KPNA3: variants seen among roughly 807,000 people sequenced by gnomAD.
The protein encoded by KPNA3 is importin subunit alpha-4.
Under a neutral mutation model 73.8 loss-of-function variants are expected in KPNA3, and 13 were observed. The observed-to-expected ratio is 0.18, with a 90% confidence interval of 0.11 to 0.28. KPNA3 has a LOEUF of 0.28. KPNA3 is among the 10% of genes least tolerant of loss of function. The pLI, the probability that KPNA3 is intolerant of heterozygous loss-of-function variation, is 1.00. For synonymous variants in KPNA3, 186 were observed against 206.9 expected (o/e 0.90, Z 0.87); for missense variants, 360 against 618.1 (o/e 0.58, Z 4.43).
chr13:49,708,643 G>C (rs981528933), intron 12 of KPNA3, among the ~76,000 whole-genome samples: 1 of 152,080 alleles, frequency 6.6e-6, no homozygotes, highest in African/African-American at 2.4e-5. Flanking sequence ...ATCAACAGAA[G>C]AATGTAAAAA....
chr13:49,773,674 A>G (rs1954873644), intron 1 of KPNA3, among the ~76,000 whole-genome samples: 2 of 152,246 alleles, frequency 1.3e-5, no homozygotes, highest in Admixed American at 1.3e-4. Flanking sequence ...AATGATAATT[A>G]GGACTAAGTG....
chr13:49,725,646 C>CTT (rs35089210), intron 6 of KPNA3, 145 bp from the exon 7 acceptor site: 1,586 of 378,928 alleles, frequency 4.2e-3, no homozygotes, highest in Middle Eastern at 7.0e-3. Context: ...GCCAACCCTA[C>CTT]TTTTTTTTTT....
At chr13:49,730,253 C>T (rs908464257) in intron 6 of KPNA3, among the ~76,000 whole-genome samples, 1 of 152,082 alleles carries the variant, frequency 6.6e-6, no homozygotes, top group African/African-American at 2.4e-5. Flanking sequence ...GGGCCCTAGG[C>T]CGGGCCCAGT....
intron 1 of KPNA3, among the ~76,000 whole-genome samples, chr13:49,788,237 T>C (rs770820817): frequency 2.2e-4 from 34 of 152,320 alleles, no homozygotes; most frequent in Admixed American, 7.2e-4. Context: ...CTAATGAAAA[T>C]GTCACACCCT....
intron 2 of KPNA3, among the ~76,000 whole-genome samples, chr13:49,734,954 T>TAGATAGAGAGAGAGAGAG (rs144444749): frequency 1.4e-5 from 2 of 145,840 alleles, no homozygotes; most frequent in South Asian, 2.2e-4. Flanking sequence ...GAGAGATAGA[T>TAGATAGAGAGAGAGAGAG]AGAGAGAGAG....
chr13:49,716,728 G>A (rs578067343), intron 10 of KPNA3, among the ~76,000 whole-genome samples: 2 of 152,146 alleles, frequency 1.3e-5, no homozygotes, highest in African/African-American at 2.4e-5. Context: ...ATGAGCCACC[G>A]TGCCCAGCCA....
intron 1 of KPNA3, among the ~76,000 whole-genome samples, chr13:49,787,657 C>A (rs1380729896): frequency 2.0e-5 from 3 of 151,620 alleles, no homozygotes; most frequent in African/African-American, 7.3e-5. Context: ...CAGGCATGAG[C>A]CACCAGGACC....
At chr13:49,747,019 G>A (rs1289957855) in intron 1 of KPNA3, 26 bp from the exon 2 acceptor site, 2 of 1,565,578 alleles carry the variant, frequency 1.3e-6, no homozygotes, top group African/African-American at 1.4e-5. Flanking sequence ...AAAGATTACA[G>A]ATGTATCAAA....
chr13:49,730,215 A>G (rs1056687134), intron 6 of KPNA3, among the ~76,000 whole-genome samples: 2 of 152,158 alleles, frequency 1.3e-5, no homozygotes, highest in Non-Finnish European at 2.9e-5. Context: ...AAGGAAAAAA[A>G]GAAGAAGAGA....
At chr13:49,742,234 C>G (rs1299596376) in intron 2 of KPNA3, among the ~76,000 whole-genome samples, 1 of 152,126 alleles carries the variant, frequency 6.6e-6, no homozygotes, top group East Asian at 1.9e-4. Flanking sequence ...GAAATAAATT[C>G]TTGCGTGTCA....
At chr13:49,729,756 G>A (rs929066845) in intron 6 of KPNA3, among the ~76,000 whole-genome samples, 2 of 151,970 alleles carry the variant, frequency 1.3e-5, no homozygotes, top group South Asian at 2.1e-4. Flanking sequence ...CTCCAGCCTG[G>A]GCAACAGAGC....
chr13:49,781,532 C>T (rs1954940573), intron 1 of KPNA3, among the ~76,000 whole-genome samples: 1 of 152,142 alleles, frequency 6.6e-6, no homozygotes, highest in African/African-American at 2.4e-5. Flanking sequence ...TACTGGTTAT[C>T]ATTATTTTCA....
chr13:49,743,355 C>G (rs2137565908), intron 2 of KPNA3, among the ~76,000 whole-genome samples: 2 of 152,200 alleles, frequency 1.3e-5, no homozygotes, highest in Middle Eastern at 3.4e-3. Context: ...TCTTGAAGAG[C>G]TCTCCACATC....
intron 16 of KPNA3, 93 bp from the exon 17 acceptor site, chr13:49,701,991 CTA>C: frequency 1.3e-6 from 1 of 749,520 alleles, no homozygotes; most frequent in South Asian, 1.7e-5. Context: ...GCAAATAATT[CTA>C]TGTGAATGCT....
In KPNA3 at chr13:49,705,730, T is replaced by C. The variant is rs968404376; in HGVS notation, c.1263A>G (p.Ser421=). ...NVIPPFCNLL[S]VKDSQVVQVV... ...CCTGAACCACTTGAGAATCTTTCAC[T>C]GACAGTAAATTACAGAACGGTGGTA... Residue 421 remains serine, a synonymous_variant, in exon 15 of 17, where the codon TCA becomes TCG. Transcript: ENST00000261667. 5 of 1,614,010 alleles carry C rather than the reference T, an allele frequency of 3.1e-6. No homozygotes were observed. The highest frequency in any genetic ancestry group is 4.2e-6 in the Non-Finnish European group (5 of 1,179,874).
At position 49,750,820 on chromosome 13, in the gene KPNA3, C is replaced by T. The variant is rs528941014; in HGVS notation, c.70-3827G>A. 8.5e-5 allele frequency among the ~76,000 whole-genome samples: 13 copies of T among 152,100 alleles called. No homozygotes were observed. In the South Asian group the frequency reaches 2.3e-3, roughly 27 times the overall value. ...CAGCCTGGCCAACATGGTGAAACCCCATCTCTACTAAAAATATCAAAATTA... is the reference window on the plus strand; with the variant it reads ...CAGCCTGGCCAACATGGTGAAACCCTATCTCTACTAAAAATATCAAAATTA... On this transcript the variant is annotated intron_variant, in intron 1 of 16. Transcript: ENST00000261667.
intron 1 of KPNA3, among the ~76,000 whole-genome samples, chr13:49,791,525 T>C (rs1485712922): frequency 2.7e-5 from 4 of 147,040 alleles, no homozygotes; most frequent in Non-Finnish European, 4.4e-5. Flanking sequence ...CCGCGATGAA[T>C]GTTTAGTTTT....
intron 9 of KPNA3, among the ~76,000 whole-genome samples, chr13:49,721,248 G>A (rs919939971): frequency 6.6e-6 from 1 of 151,882 alleles, no homozygotes; most frequent in Non-Finnish European, 1.5e-5. Context: ...AAAATCAATT[G>A]GACTTAAAGC....
chr13:49,702,535 C>A lies in KPNA3; in HGVS notation c.1373-55G>T, dbSNP rs1954157742. On this transcript the variant is annotated intron_variant, in intron 15 of 16. Coordinates refer to ENST00000261667, the MANE Select transcript of KPNA3 (RefSeq NM_002267.4). ...GGTTAATTGATAAGGAGATACTAAT[C>A]AAAACCACACTCATTTTAATCATGG... 5 of 870,906 alleles carry A rather than the reference C, an allele frequency of 5.7e-6. No homozygotes were observed. In the South Asian group the frequency reaches 7.8e-5, roughly 14 times the overall value. The allele number at this position is 870,906 out of a possible 1,614,324, so 53.9% of individuals were successfully genotyped here.
Sources: gnomAD v4.1 joint callset for allele counts (sites outside exome capture counted in the v4.1 genomes callset) on GRCh38, gnomAD v4.1.1 for gene constraint, MANE v1.5 for transcripts, NCBI Gene and HGNC (gene_info 2026-07-23, HGNC 2026-07-21) for gene names.